The following GRIK4 variants were observed in gnomAD, a reference collection of about 807,000 sequenced individuals.
GRIK4 encodes glutamate ionotropic receptor kainate type subunit 4, also known as glutamate receptor ionotropic, kainate 4.
GRIK4 carries 40 observed loss-of-function variants against 104.9 expected under a neutral mutation model. That is an observed-to-expected ratio of 0.38 (90% CI 0.30 to 0.50). The LOEUF (loss-of-function observed/expected upper bound fraction) is 0.50. GRIK4 is among the 20% of genes least tolerant of loss of function. The pLI, the probability that GRIK4 is intolerant of heterozygous loss-of-function variation, is 0.93. For missense variants in GRIK4, 1,047 were observed against 1,308.1 expected (o/e 0.80, Z 3.08); for synonymous variants, 485 against 524.9 (o/e 0.92, Z 1.04).
At chr11:120,609,568 C>G (rs1314159473) in intron 1 of GRIK4, among the ~76,000 whole-genome samples, 1 of 121,012 alleles carries the variant, frequency 8.3e-6, no homozygotes, top group Non-Finnish European at 1.6e-5. Flanking sequence ...GCTCTGTTGC[C>G]CAGGCTGGAG....
chr11:120,863,987 A>G (rs1954327588), intron 9 of GRIK4, among the ~76,000 whole-genome samples: 1 of 152,170 alleles, frequency 6.6e-6, no homozygotes, highest in African/African-American at 2.4e-5. Context: ...CATCCCAACA[A>G]GATATTTTAG....
At position 120,962,839 on chromosome 11, in the gene GRIK4, TA is replaced by T. The variant is rs1261702058; in HGVS notation, c.2266+161del. 1.8e-3 allele frequency: 760 copies of T among 421,622 alleles called. 1 individual carries two copies. The highest frequency in any genetic ancestry group is 5.5e-3 in the African/African-American group (267 of 48,828). The allele number at this position is 421,622 out of a possible 1,614,324, so 26.1% of individuals were successfully genotyped here. ...CATTCTAAAGTTTTTTTTTTTTTTT[TA>T]AAGCAAACACACATATTTCCTTTAA... On this transcript the variant is annotated intron_variant, in intron 18 of 20. Coordinates refer to ENST00000527524, the MANE Select transcript of GRIK4 (RefSeq NM_014619.5).
intron 11 of GRIK4, among the ~76,000 whole-genome samples, chr11:120,895,695 G>A (rs767081259): frequency 4.6e-5 from 7 of 152,078 alleles, no homozygotes; most frequent in Non-Finnish European, 1.0e-4. Context: ...TGCCATCCGG[G>A]GAACCTTAGG....
At chr11:120,962,719 TC>T (rs1427401229) in intron 18 of GRIK4, 38 bp downstream of exon 18, 1 of 1,430,474 alleles carries the variant, frequency 7.0e-7, no homozygotes, top group East Asian at 2.3e-5. Flanking sequence ...GGTAGCTTTG[TC>T]CAGACAGGGT....
Position 120,782,058 on chromosome 11 carries a change from A to G in GRIK4, c.83-20635A>G, listed in dbSNP as rs1952168607. On this transcript the variant is annotated intron_variant, in intron 3 of 20. Transcript: ENST00000527524. Reference sequence around the variant, plus strand: ...GCTCAGGTGGCGCTTCATTAGCAATATCCCTTCCCTGACCACCCCCCATCA... The same window carrying G: ...GCTCAGGTGGCGCTTCATTAGCAATGTCCCTTCCCTGACCACCCCCCATCA... 2.0e-5 allele frequency among the ~76,000 whole-genome samples: 3 copies of G among 152,032 alleles called. 1 individual carries two copies. The highest frequency in any genetic ancestry group is 4.2e-4 in the South Asian group (2 of 4,818).
At chr11:120,936,426 C>T (rs1333705298) in intron 13 of GRIK4, 5 of 256,444 alleles carry the variant, frequency 1.9e-5, no homozygotes, top group South Asian at 1.5e-4. Context: ...AGGAGAGATA[C>T]GGGTTTCATT....
chr11:120,706,081 G>A (rs1296327156), intron 3 of GRIK4, among the ~76,000 whole-genome samples: 1 of 152,112 alleles, frequency 6.6e-6, no homozygotes, highest in East Asian at 1.9e-4. Flanking sequence ...CAGGGACCCT[G>A]GACAGCCACC....
intron 1 of GRIK4, among the ~76,000 whole-genome samples, chr11:120,514,440 C>T (rs1375276213): frequency 6.6e-6 from 1 of 152,204 alleles, no homozygotes; most frequent in African/African-American, 2.4e-5. Flanking sequence ...GTCCCAGGCC[C>T]CTGGACGCTC....
intron 1 of GRIK4, among the ~76,000 whole-genome samples, chr11:120,533,358 T>G (rs1487127788): frequency 6.6e-6 from 1 of 152,248 alleles, no homozygotes; most frequent in East Asian, 1.9e-4. Context: ...TTCCTTGTAT[T>G]ATCTAGCTTA....
intron 6 of GRIK4, among the ~76,000 whole-genome samples, chr11:120,820,730 T>C (rs578035170): frequency 6.6e-6 from 1 of 152,280 alleles, no homozygotes; most frequent in African/African-American, 2.4e-5. Context: ...AGCGATTCCA[T>C]CTTTATTAGG....
At chr11:120,858,297 A>T (rs898269070) in intron 8 of GRIK4, 1 of 152,166 alleles carries the variant, frequency 6.6e-6, no homozygotes, top group Non-Finnish European at 1.5e-5. Context: ...AATCCCTTCC[A>T]TTCCTGAAAT....
intron 1 of GRIK4, among the ~76,000 whole-genome samples, chr11:120,633,938 G>A (rs563479760): frequency 6.6e-6 from 1 of 152,226 alleles, no homozygotes; most frequent in African/African-American, 2.4e-5. Context: ...GAGCACGGGG[G>A]TGGGAGAAGG....
At chr11:120,614,180 CA>C (rs1949075362) in intron 1 of GRIK4, among the ~76,000 whole-genome samples, 1 of 152,192 alleles carries the variant, frequency 6.6e-6, no homozygotes, top group Admixed American at 6.5e-5. Flanking sequence ...AAACAGACCC[CA>C]AGTGAAGACA....
chr11:120,660,267 A>C lies in GRIK4; in HGVS notation c.-50-2A>C. On this transcript the variant is annotated splice_acceptor_variant, in intron 2 of 20. Coordinates refer to ENST00000527524, the MANE Select transcript of GRIK4 (RefSeq NM_014619.5). LOFTEE classifies it low-confidence loss of function (5UTR_SPLICE). ...ACGTGCCCCCAACCCCCTCTCTCGC[A>C]GAGTTATGTCATGCCCAGGCCAGCA... is the stretch of plus-strand genomic sequence containing the variant. 13 of 1,345,076 alleles carry C rather than the reference A, an allele frequency of 9.7e-6. No homozygotes were observed. Among genetic ancestry groups the C allele is most frequent in the Non-Finnish European group, 1.1e-5 (10 of 939,120 alleles). The allele number at this position is 1,345,076 out of a possible 1,614,324, so 83.3% of individuals were successfully genotyped here.
intron 3 of GRIK4, among the ~76,000 whole-genome samples, chr11:120,686,174 A>T (rs781171742): frequency 6.6e-6 from 1 of 152,096 alleles, no homozygotes; most frequent in Non-Finnish European, 1.5e-5. Flanking sequence ...AAAAAAAAGC[A>T]TGATACATCC....
At chr11:120,519,028 G>A (rs751985752) in intron 1 of GRIK4, among the ~76,000 whole-genome samples, 2 of 152,124 alleles carry the variant, frequency 1.3e-5, no homozygotes, top group Non-Finnish European at 1.5e-5. Flanking sequence ...AAACAAAATC[G>A]GTCTAGAACT....
chr11:120,626,369 G>A (rs1440804027), intron 1 of GRIK4, among the ~76,000 whole-genome samples: 1 of 152,122 alleles, frequency 6.6e-6, no homozygotes, highest in African/African-American at 2.4e-5. Flanking sequence ...GAAAGAACTT[G>A]GAACCATTTT....
chr11:120,677,440 GAGTACTGCTATGT>G (rs143468592), intron 3 of GRIK4, among the ~76,000 whole-genome samples: 45,662 of 152,050 alleles, frequency 0.3, 7,479 homozygotes, highest in East Asian at 0.53. Flanking sequence ...TGATGTAGGA[GAGTACTGCTATGT>G]GTGAAGAATG....
chr11:120,890,489 CAGGCCTTAAGGTCAAGACAAGAT>C (rs1209356028), intron 11 of GRIK4, among the ~76,000 whole-genome samples: 11 of 152,168 alleles, frequency 7.2e-5, no homozygotes, highest in African/African-American at 2.7e-4. Flanking sequence ...TGAGAAGGCC[CAGGCCTTAAGGTCAAGACAAGAT>C]ACACCTGTCC....
Sources: allele counts gnomAD v4.1 joint callset (sites outside exome capture counted in the v4.1 genomes callset), GRCh38; gene constraint gnomAD v4.1.1; transcripts MANE v1.5; gene names NCBI Gene and HGNC (gene_info 2026-07-23, HGNC 2026-07-21).